The following SLC43A2 variants were observed in gnomAD, a reference collection of about 807,000 sequenced individuals.
The protein encoded by SLC43A2 is solute carrier family 43 member 2, also known as large neutral amino acids transporter small subunit 4.
Under a neutral mutation model 63.2 loss-of-function variants are expected in SLC43A2, and 38 were observed. The ratio of observed to expected loss-of-function variants is 0.60; its 90% confidence interval spans 0.46 to 0.79. The LOEUF (loss-of-function observed/expected upper bound fraction) is 0.79, where lower values mean the gene tolerates loss of function less well. Among genes scored for constraint, SLC43A2 ranks in the 30% least tolerant of loss-of-function variants. The probability of loss-of-function intolerance (pLI) is 0.00; values close to 1 mark genes in which losing one functional copy is unlikely to be tolerated. For missense variants in SLC43A2, 644 were observed against 756.2 expected, an observed-to-expected ratio of 0.85 and a Z score of 1.74; for synonymous variants, 322 against 331.0, an observed-to-expected ratio of 0.97 and a Z score of 0.30.
At chr17:1,615,859 AAT>A (rs1045274796) in intron 3 of SLC43A2, among the ~76,000 whole-genome samples, 5 of 145,640 alleles carry the variant, frequency 3.4e-5, no homozygotes, top group African/African-American at 1.3e-4. Flanking sequence ...TAAATAAATA[AAT>A]AAATAAATAA....
Position 1,591,432 on chromosome 17 carries a change from C to G in SLC43A2, c.768G>C (p.Lys256Asn), listed in dbSNP as rs1440224243. The G allele has an allele frequency of 1.2e-6, 2 of 1,613,226 alleles. No homozygotes were observed. The highest frequency in any genetic ancestry group is 1.7e-6 in the Non-Finnish European group (2 of 1,179,958). ...IKFSWLGFDH[K>N]ITGKQFYKQV... ...GCTTGTAGAACTGCTTCCCTGTGAT[C>G]TTGTGGTCAAAGCCCAGCCAGCTGA... is the stretch of plus-strand genomic sequence containing the variant. The change falls in exon 8 of 14, where the codon AAG becomes AAC. Residue 256 changes from lysine to asparagine, a missense_variant. Around this residue, in one of 3 missense-constraint regions of SLC43A2, gnomAD observed 528 missense variants for 623.6 expected, o/e 0.85. Transcript: ENST00000301335.
chr17:1,629,591 C>G (rs577453602), upstream of SLC43A2, among the ~76,000 whole-genome samples: 5 of 152,332 alleles, frequency 3.3e-5, no homozygotes, highest in African/African-American at 1.2e-4. Context: ...CTGAGCTCCC[C>G]CCATCAGACT....
chr17:1,599,995 G>C (rs1905766439), intron 5 of SLC43A2, among the ~76,000 whole-genome samples: 1 of 145,952 alleles, frequency 6.9e-6, no homozygotes, highest in South Asian at 2.2e-4. Context: ...AGTGAGCTGA[G>C]ATTGCGCCAC....
Position 1,591,331 on chromosome 17 carries a change from TCCTGCAGCGCCA to T in SLC43A2, c.857_868del (p.Val286_Gln289del). On this transcript the variant is annotated inframe_deletion, in exon 8 of 14. Transcript: ENST00000301335. ...GGTGGACAGGCACAGCTTGTGGCCC[TCCTGCAGCGCCA>T]CCTGCTCCTTGGCACTCCTCATGGA... 1.2e-6 allele frequency: 2 copies of T among 1,609,520 alleles called. No homozygotes were observed. Among genetic ancestry groups the T allele is most frequent in the Non-Finnish European group, 1.7e-6 (2 of 1,179,924 alleles).
At chr17:1,586,555 C>T (rs557705166) in intron 9 of SLC43A2, among the ~76,000 whole-genome samples, 3 of 152,078 alleles carry the variant, frequency 2.0e-5, no homozygotes, top group East Asian at 3.9e-4. Context: ...ACTAGCTGGG[C>T]GTGGTGGCAG....
intron 11 of SLC43A2, among the ~76,000 whole-genome samples, chr17:1,579,056 G>A (rs1228272756): frequency 6.6e-6 from 1 of 151,392 alleles, no homozygotes; most frequent in Non-Finnish European, 1.5e-5. Flanking sequence ...CAGGAGAATC[G>A]CTTGAACCAA....
intron 5 of SLC43A2, among the ~76,000 whole-genome samples, chr17:1,594,369 C>T (rs140049564): frequency 6.6e-6 from 1 of 152,194 alleles, no homozygotes; most frequent in African/African-American, 2.4e-5. Context: ...AAACTACATC[C>T]TCCCAAAGAG....
At chr17:1,585,853 C>CT in intron 10 of SLC43A2, 60 bp downstream of exon 10, 1 of 1,611,098 alleles carries the variant, frequency 6.2e-7, no homozygotes, top group Non-Finnish European at 8.5e-7. Flanking sequence ...ACATGCAGCT[C>CT]TGGGGTCTTT....
chr17:1,590,994 C>T, intron 8 of SLC43A2, 46 bp from the exon 9 acceptor site: 1 of 1,539,962 alleles, frequency 6.5e-7, no homozygotes, highest in South Asian at 1.2e-5. Context: ...ACACTGTCCC[C>T]ACCACCGGGG....
In SLC43A2 at chr17:1,585,741, A is replaced by G; in HGVS notation, c.1217+172T>C. ...AAACAATTTCCATAAAGAGGGGAGC[A>G]GTTGAAACGCATGCTGAGCTGAATG... On this transcript the variant is annotated intron_variant, in intron 10 of 13. Transcript: ENST00000301335. 3 of 1,570,126 alleles carry G rather than the reference A, an allele frequency of 1.9e-6. No homozygotes were observed. In the East Asian group the frequency reaches 6.9e-5, roughly 36 times the overall value.
intron 13 of SLC43A2, 103 bp from the exon 14 acceptor site, chr17:1,575,868 G>T: frequency 7.5e-7 from 1 of 1,340,196 alleles, no homozygotes; most frequent in Non-Finnish European, 1.0e-6. Context: ...GTCACGGGGT[G>T]GAAGGGGGAA....
chr17:1,581,160 G>A (rs1375091358), intron 11 of SLC43A2, among the ~76,000 whole-genome samples: 1 of 150,480 alleles, frequency 6.6e-6, no homozygotes, highest in Non-Finnish European at 1.5e-5. Context: ...GGGGGGGCAG[G>A]GGCTGCTCTT....
chr17:1,598,691 C>T (rs1905568162), intron 5 of SLC43A2, among the ~76,000 whole-genome samples: 1 of 152,232 alleles, frequency 6.6e-6, no homozygotes, highest in Non-Finnish European at 1.5e-5. Context: ...TACAGACCAA[C>T]AGAGCCACAG....
At chr17:1,596,943 GC>G (rs1567627614) in intron 5 of SLC43A2, among the ~76,000 whole-genome samples, 1 of 151,944 alleles carries the variant, frequency 6.6e-6, no homozygotes, top group African/African-American at 2.4e-5. Flanking sequence ...GAGGCCAGGC[GC>G]GGTGGCTCAC....
In SLC43A2 at chr17:1,578,529, T is replaced by C. The variant is rs12603658; in HGVS notation, c.1351-206A>G. ...TCATTTTTTGTTTGTTTGTTTGTTT[T>C]GTTTTTTGTTTTGTTTGAGAAGAAG... On this transcript the variant is annotated intron_variant, in intron 11 of 13. Transcript: ENST00000301335. This position sits in a 1 kb window ranked among gnomAD's most constrained non-coding sequence, Gnocchi z 6.5. 1.9e-4 allele frequency: 107 copies of C among 554,994 alleles called. No homozygotes were observed. In the East Asian group the frequency reaches 2.9e-3, roughly 15 times the overall value. 34.4% of individuals were successfully genotyped at this position (554,994 alleles called of 1,614,324 possible).
chr17:1,581,715 T>C (rs1377448175), intron 11 of SLC43A2, among the ~76,000 whole-genome samples: 1 of 152,060 alleles, frequency 6.6e-6, no homozygotes, highest in Admixed American at 6.6e-5. Flanking sequence ...GACCAGTGGG[T>C]GGAGCCAGGC....
intron 5 of SLC43A2, among the ~76,000 whole-genome samples, chr17:1,600,135 A>AATACAT (rs1555541162): frequency 2.1e-5 from 1 of 47,936 alleles, no homozygotes; most frequent in Non-Finnish European, 3.4e-5. Flanking sequence ...ATATTAATTG[A>AATACAT]ATATATATAT....
rs377450120 is a variant in SLC43A2, at chr17:1,593,288, T to G, written c.502-9A>C. 133 of 1,612,540 alleles carry G rather than the reference T, an allele frequency of 8.2e-5. No homozygotes were observed. Among genetic ancestry groups the G allele is most frequent in the Non-Finnish European group, 1.1e-4 (130 of 1,179,448 alleles). On this transcript the variant is annotated splice_polypyrimidine_tract_variant and intron_variant, in intron 5 of 13. Transcript: ENST00000301335. The surrounding 1 kb of genome is among the most constrained non-coding windows in gnomAD (Gnocchi z 5.3). ...CCGAACATGTTGGGCAGCTGAGAGA[T>G]AAGAAGCAGAGAAACCTCAGTGGGG... is the stretch of plus-strand genomic sequence containing the variant.
intron 6 of SLC43A2, 34 bp from the exon 7 acceptor site, chr17:1,591,733 G>GGC: frequency 1.7e-6 from 1 of 598,522 alleles, no homozygotes; most frequent in Non-Finnish European, 3.0e-6. Flanking sequence ...GTGGGGGGGG[G>GGC]AGGGGGCAGA....
Sources: gnomAD v4.1 joint callset for allele counts (sites outside exome capture counted in the v4.1 genomes callset) on GRCh38, gnomAD v4.1.1 for gene constraint, gnomAD v4.1.1 regional missense constraint, Gnocchi (gnomAD v3.1) non-coding constraint, MANE v1.5 for transcripts, NCBI Gene and HGNC (gene_info 2026-07-23, HGNC 2026-07-21) for gene names.